Variants in PHF21B observed in about 807,000 individuals in gnomAD.
PHF21B encodes the protein PHD finger protein 21B, also known as PHD finger protein 4.
In PHF21B, 22 loss-of-function variants were observed where a neutral mutation model predicts 62.2. That is an observed-to-expected ratio of 0.35 (90% confidence interval 0.25 to 0.51). The LOEUF is 0.51. Ranked by LOEUF, PHF21B falls within the 20% of genes least tolerant of loss-of-function variation. The probability of loss-of-function intolerance (pLI) is 0.97; values close to 1 mark genes in which losing one functional copy is unlikely to be tolerated. For missense variants in PHF21B, 701 were observed against 707.9 expected (o/e 0.99, Z 0.11); for synonymous variants, 341 against 314.7 (o/e 1.08, Z -0.88).
chr22:44,982,282 A>C (rs2072857016), intron 2 of PHF21B, among the ~76,000 whole-genome samples: 1 of 152,160 alleles, frequency 6.6e-6, no homozygotes. Context: ...CAGTATGAGT[A>C]CTTTGCAAAG....
At chr22:45,006,053 G>A (rs2073308616) in intron 2 of PHF21B, among the ~76,000 whole-genome samples, 1 of 152,162 alleles carries the variant, frequency 6.6e-6, no homozygotes, top group African/African-American at 2.4e-5. Context: ...AGGGAGAGGG[G>A]AGTAAATGTT....
chr22:44,938,834 G>T (rs1185372046), intron 2 of PHF21B, among the ~76,000 whole-genome samples: 1 of 152,192 alleles, frequency 6.6e-6, no homozygotes, highest in Non-Finnish European at 1.5e-5. Flanking sequence ...ATCTGGATGC[G>T]CCATTATGGA....
chr22:44,905,667 C>T (rs915231711), intron 5 of PHF21B, among the ~76,000 whole-genome samples: 5 of 152,068 alleles, frequency 3.3e-5, no homozygotes, highest in Admixed American at 1.3e-4. Flanking sequence ...CTCGCTCGGT[C>T]ACCCAGGCTG....
At chr22:44,992,526 C>T (rs1014309482) in intron 2 of PHF21B, among the ~76,000 whole-genome samples, 1 of 152,254 alleles carries the variant, frequency 6.6e-6, no homozygotes, top group African/African-American at 2.4e-5. Context: ...CCTTGGAAAA[C>T]ATCTAACAGG....
intron 2 of PHF21B, among the ~76,000 whole-genome samples, chr22:44,925,894 C>T (rs145510147): frequency 4.8e-4 from 73 of 152,328 alleles, no homozygotes; most frequent in African/African-American, 1.7e-3. Flanking sequence ...GCCATTTATG[C>T]AGCTGGTCAA....
chr22:44,885,734 A>C, intron 11 of PHF21B, 129 bp downstream of exon 11: 2 of 1,130,196 alleles, frequency 1.8e-6, no homozygotes, highest in Non-Finnish European at 2.6e-6. Flanking sequence ...CCAGGATCCC[A>C]CTTTTCAGTG....
At chr22:45,006,934 C>A (rs2073324900) in intron 2 of PHF21B, among the ~76,000 whole-genome samples, 1 of 151,846 alleles carries the variant, frequency 6.6e-6, no homozygotes, top group Non-Finnish European at 1.5e-5. Flanking sequence ...GGAAAAGGGT[C>A]TTCCGACCCC....
At chr22:44,950,573 G>A (rs890263772) in intron 2 of PHF21B, among the ~76,000 whole-genome samples, 5 of 151,878 alleles carry the variant, frequency 3.3e-5, no homozygotes, top group African/African-American at 4.8e-5. Flanking sequence ...CTTCGTGTTC[G>A]TGTTTTTTTT....
In PHF21B at chr22:44,906,521, T is replaced by G. The variant is rs377109975; in HGVS notation, c.831+7301A>C. Among the ~76,000 whole-genome samples the G allele has an allele frequency of 1.6e-3, 248 of 152,304 alleles. 1 individual carries two copies. Among genetic ancestry groups the G allele is most frequent in the African/African-American group, 5.8e-3 (240 of 41,584 alleles). On this transcript the variant is annotated intron_variant, in intron 5 of 12. Transcript: ENST00000313237. Reference sequence around the variant, plus strand: ...GCCCTTTGCAGGGCGTGTACTGATTTGAGGGCAGCCAGACTCATTCAGATG... The same window carrying G: ...GCCCTTTGCAGGGCGTGTACTGATTGGAGGGCAGCCAGACTCATTCAGATG...
At chr22:44,957,308 G>T (rs1299664217) in intron 2 of PHF21B, among the ~76,000 whole-genome samples, 2 of 152,174 alleles carry the variant, frequency 1.3e-5, no homozygotes, top group African/African-American at 4.8e-5. Flanking sequence ...AGTTGTTTCG[G>T]TTTTTTCCCT....
intron 5 of PHF21B, among the ~76,000 whole-genome samples, chr22:44,902,724 T>A (rs2071182090): frequency 6.6e-6 from 1 of 152,120 alleles, no homozygotes; most frequent in South Asian, 2.1e-4. Flanking sequence ...TTCATTAAGT[T>A]TTTTTTAAAA....
rs575375534 is a variant in PHF21B at position 44,965,708 on chromosome 22, A to T, written c.120+42837T>A. On this transcript the variant is annotated intron_variant, in intron 2 of 12. Coordinates refer to ENST00000313237, the MANE Select transcript of PHF21B (RefSeq NM_138415.5). Reference sequence around the variant, plus strand: ...TGAGTGGCTGGTATCTGACCTGGGAACAGTGGAGCAGGACCACACTGCCCA... The same window carrying T: ...TGAGTGGCTGGTATCTGACCTGGGATCAGTGGAGCAGGACCACACTGCCCA... 6.1e-4 allele frequency among the ~76,000 whole-genome samples: 93 copies of T among 152,264 alleles called. 1 individual carries two copies. The highest frequency in any genetic ancestry group is 2.2e-3 in the African/African-American group (93 of 41,540).
chr22:44,918,259 C>T (rs113663558), intron 3 of PHF21B, among the ~76,000 whole-genome samples: 8 of 152,372 alleles, frequency 5.3e-5, no homozygotes, highest in African/African-American at 1.9e-4. Context: ...TCAGCTGTGG[C>T]AGTGGCCGTT....
chr22:44,948,385 G>A (rs1207369941), intron 2 of PHF21B, among the ~76,000 whole-genome samples: 1 of 152,164 alleles, frequency 6.6e-6, no homozygotes, highest in Non-Finnish European at 1.5e-5. Context: ...TGTCACTGCA[G>A]AAAACTCTGC....
At chr22:44,887,857 T>G in intron 10 of PHF21B, 106 bp downstream of exon 10, 1 of 1,227,272 alleles carries the variant, frequency 8.1e-7, no homozygotes, top group Non-Finnish European at 1.0e-6. Context: ...TGAAAAAGCC[T>G]TCCTATACCC....
Position 44,920,422 on chromosome 22 carries a change from C to A in PHF21B, c.189G>T (p.Gly63=). Reference sequence around the variant, plus strand: ...CCTGAGGTAGCACTGCCGCTCCTTGCCCGGCCAACCTCTGCAAGGAGCTGA... The same window carrying A: ...CCTGAGGTAGCACTGCCGCTCCTTGACCGGCCAACCTCTGCAAGGAGCTGA... ...PQVSSLQRLA[G]QGAAVLPQVR... is the part of the protein sequence containing the mutation. Residue 63 remains glycine, a synonymous_variant, in exon 3 of 13, where the codon GGG becomes GGT. Coordinates refer to ENST00000313237, the MANE Select transcript of PHF21B (RefSeq NM_138415.5). 1 of 1,611,974 alleles carries A rather than the reference C, an allele frequency of 6.2e-7. No individual in the cohort carries two copies.
At chr22:44,913,102 C>T (rs2071373953) in intron 5 of PHF21B, among the ~76,000 whole-genome samples, 1 of 152,138 alleles carries the variant, frequency 6.6e-6, no homozygotes. Flanking sequence ...GCTGCGCATC[C>T]ACTATGTATT....
rs768927339 is a variant in PHF21B, at chr22:44,916,293, C to T, written c.551G>A (p.Ser184Asn). The T allele has an allele frequency of 1.9e-6, 3 of 1,608,362 alleles. No homozygotes were observed. The highest frequency in any genetic ancestry group is 1.7e-5 in the Admixed American group (1 of 58,498). ...DSIKVQPLLI[S>N]ADNKPPPRLL... is the part of the protein sequence containing the mutation. ...GTGGGCACTCACCTTGTTGTCAGCA[C>T]TGATGAGGAGGGGCTGGACTTTGAT... The change falls in exon 4 of 13, where the codon AGT (serine) becomes AAT (asparagine). Residue 184 changes from serine to asparagine, a missense_variant. Transcript: ENST00000313237.
At chr22:44,945,060 G>A (rs1349216895) in intron 2 of PHF21B, among the ~76,000 whole-genome samples, 1 of 147,978 alleles carries the variant, frequency 6.8e-6, no homozygotes, top group African/African-American at 2.5e-5. Context: ...CTCACTCCTT[G>A]CCTGTTTCCC....
Sources: gnomAD v4.1 joint callset for allele counts (sites outside exome capture counted in the v4.1 genomes callset) on GRCh38, gnomAD v4.1.1 for gene constraint, MANE v1.5 for transcripts, NCBI Gene and HGNC (gene_info 2026-07-23, HGNC 2026-07-21) for gene names.